C16orf95: variants seen among roughly 807,000 people sequenced by gnomAD.
The protein encoded by C16orf95 is uncharacterized protein C16orf95.
A neutral mutation model predicts 32.1 loss-of-function variants in C16orf95; 41 were observed. That is an observed-to-expected ratio of 1.28 (90% CI 1.00 to 1.66). The LOEUF (loss-of-function observed/expected upper bound fraction) is 1.66. C16orf95 is among the 40% of genes most tolerant of loss of function. The pLI is 0.00. For missense variants in C16orf95, 399 were observed against 325.9 expected (o/e 1.22, Z -1.73); for synonymous variants, 147 against 128.9 (o/e 1.14, Z -0.95).
rs528650383 is a variant in C16orf95 at position 87,305,629 on chromosome 16, C to T, written c.701+90G>A. 4.7e-5 allele frequency: 57 copies of T among 1,223,914 alleles called. No homozygotes were observed. In the African/African-American group the frequency reaches 8.3e-4, roughly 18 times the overall value. 75.8% of individuals were successfully genotyped at this position (1,223,914 alleles called of 1,614,324 possible). A position where few individuals can be genotyped will look rare whatever the true frequency, so the allele number is the denominator to read the frequency against. On this transcript the variant is annotated intron_variant, in intron 6 of 6. Coordinates refer to ENST00000567970, the MANE Select transcript of C16orf95 (RefSeq NM_001195124.3). This position sits in a 1 kb window ranked among gnomAD's most constrained non-coding sequence, Gnocchi z 4.2. ...GTCAAGTTAAGCCCCACCCCCCACT[C>T]TTCCACATCCCTGATGGCCACCAAG...
Position 87,314,972 on chromosome 16 carries a change from T to C in C16orf95, c.329A>G (p.Gln110Arg). The change falls in exon 3 of 7, where the codon CAG (glutamine) becomes CGG (arginine). Residue 110 changes from glutamine to arginine, a missense_variant and splice_region_variant. Gln to Arg is a conservative substitution (Grantham distance 43). Coordinates refer to ENST00000567970, the MANE Select transcript of C16orf95 (RefSeq NM_001195124.3). ...GACCTCCTGGTTCAAGTCACCTACC[T>C]GCTTTCGGGGTCTCAGGGACAGAGG... is the stretch of plus-strand genomic sequence containing the variant. ...WVPLSLRPRK[Q>R]SQKTVQFPIP... 6.5e-7 allele frequency: 1 copy of C among 1,535,886 alleles called. No individual in the cohort carries two copies. Among genetic ancestry groups the C allele is most frequent in the Non-Finnish European group, 8.7e-7 (1 of 1,146,782 alleles).
chr16:87,305,871 G>A lies in C16orf95; in HGVS notation c.549C>T (p.Cys183=). The change falls in exon 6 of 7, where the codon TGC becomes TGT. Residue 183 remains cysteine, a synonymous_variant. Coordinates refer to ENST00000567970, the MANE Select transcript of C16orf95 (RefSeq NM_001195124.3). This position sits in a 1 kb window ranked among gnomAD's most constrained non-coding sequence, Gnocchi z 4.2. ...PLLDACCWHN[C]WRICGDECLL... is the part of the protein sequence containing the mutation. ...GGCACTCATCACCGCAGATCCGCCA[G>A]CAGTTGTGCCAGCAGCATGCATCCA... 1 of 1,445,322 alleles carries A rather than the reference G, an allele frequency of 6.9e-7. No homozygotes were observed. Among genetic ancestry groups the A allele is most frequent in the Non-Finnish European group, 9.1e-7 (1 of 1,102,922 alleles). The allele number at this position is 1,445,322 out of a possible 1,614,324, so 89.5% of individuals were successfully genotyped here. A position where few individuals can be genotyped will look rare whatever the true frequency, so the allele number is the denominator to read the frequency against.
chr16:87,308,212 G>A (rs890242689), intron 5 of C16orf95, among the ~76,000 whole-genome samples: 2 of 152,170 alleles, frequency 1.3e-5, no homozygotes, highest in Non-Finnish European at 2.9e-5. Flanking sequence ...GCCGGGCACA[G>A]TGGTTCACGC....
chr16:87,311,892 G>A (rs116603098), intron 3 of C16orf95, among the ~76,000 whole-genome samples: 1,529 of 152,244 alleles, frequency 0.01, 28 homozygotes, highest in African/African-American at 0.035. Flanking sequence ...GACAGACATC[G>A]GGCAACAGGG....
intron 6 of C16orf95, 44 bp from the exon 7 acceptor site, chr16:87,303,119 T>A (rs1436547158): frequency 6.5e-7 from 1 of 1,534,718 alleles, no homozygotes; most frequent in Non-Finnish European, 8.7e-7. Flanking sequence ...GGCCCCAGGC[T>A]GAGACCAGCT....
At chr16:87,312,579 A>AAG (rs1189984598) in intron 3 of C16orf95, among the ~76,000 whole-genome samples, 3 of 150,202 alleles carry the variant, frequency 2.0e-5, no homozygotes, top group Admixed American at 6.6e-5. Context: ...AAAAAAAAAA[A>AAG]AAAAAAAGAA....
chr16:87,314,280 C>A (rs1294710306), intron 3 of C16orf95, among the ~76,000 whole-genome samples: 2 of 152,012 alleles, frequency 1.3e-5, no homozygotes, highest in African/African-American at 2.4e-5. Flanking sequence ...TCCTTCTGGG[C>A]GAATGAATAA....
At chr16:87,314,923 C>T in intron 3 of C16orf95, 48 bp downstream of exon 3, 3 of 1,502,902 alleles carry the variant, frequency 2.0e-6, no homozygotes, top group South Asian at 1.2e-5. Flanking sequence ...GGTCAACTGA[C>T]ATTCACCCTG....
At chr16:87,316,175 A>G (rs1463431794) in intron 1 of C16orf95, among the ~76,000 whole-genome samples, 1 of 152,234 alleles carries the variant, frequency 6.6e-6, no homozygotes, top group Non-Finnish European at 1.5e-5. Context: ...GTAGCTGCCA[A>G]TCACATCACC....
intron 5 of C16orf95, among the ~76,000 whole-genome samples, chr16:87,308,474 C>CTCAA (rs1313783456): frequency 7.3e-6 from 1 of 137,854 alleles, no homozygotes; most frequent in Non-Finnish European, 1.6e-5. Flanking sequence ...GAGACTGCAT[C>CTCAA]TCAATAAATA....
At chr16:87,310,634 G>A (rs1443607231) in intron 4 of C16orf95, among the ~76,000 whole-genome samples, 1 of 152,200 alleles carries the variant, frequency 6.6e-6, no homozygotes, top group Non-Finnish European at 1.5e-5. Context: ...CCGCTGCCCA[G>A]AACTAGCGCT....
chr16:87,306,072 C>T (rs1911014726), intron 5 of C16orf95, 167 bp from the exon 6 acceptor site: 2 of 466,592 alleles, frequency 4.3e-6, no homozygotes, highest in East Asian at 3.5e-5. Context: ...AGATAAAGGC[C>T]GTCTTGCGGG....
In C16orf95 at chr16:87,302,907, TGAGAAATCATTTGG is replaced by T. The variant is rs1367615711; in HGVS notation, c.*136_*149del. 6 of 790,022 alleles carry T rather than the reference TGAGAAATCATTTGG, an allele frequency of 7.6e-6. No homozygotes were observed. Among genetic ancestry groups the T allele is most frequent in the Non-Finnish European group, 1.0e-5 (5 of 477,090 alleles). The allele number at this position is 790,022 out of a possible 1,614,324, so 48.9% of individuals were successfully genotyped here. A position where few individuals can be genotyped will look rare whatever the true frequency, so the allele number is the denominator to read the frequency against. ...TTTGCTACAACCAAGAATCACCTGA[TGAGAAATCATTTGG>T]GTTGAATCCTGGGTGTGGATTCTGT... On this transcript the variant is annotated 3_prime_UTR_variant, in exon 7 of 7. Transcript: ENST00000567970.
intron 2 of C16orf95, 83 bp from the exon 3 acceptor site, chr16:87,315,179 G>C (rs375920439): frequency 1.4e-6 from 2 of 1,390,942 alleles, no homozygotes; most frequent in Non-Finnish European, 1.9e-6. Context: ...CAGTAGATCC[G>C]TGCTCAGGAA....
rs756665178 is a variant in C16orf95, at chr16:87,311,176, G to C, written c.451C>G (p.Pro151Ala). The change falls in exon 4 of 7, where the codon CCC (proline) becomes GCC (alanine). Residue 151 changes from proline to alanine, a missense_variant. Pro to Ala is a conservative substitution (Grantham distance 27). Transcript: ENST00000567970. Reference protein sequence around the residue: ...RDQAVMPYWVPQVLRSQQQIV... With the variant: ...RDQAVMPYWVAQVLRSQQQIV... ...TGCTGCTGAGACCTCAGGACCTGGGGCACCCAGTAGGGCATCACTGCCTGG... is the reference window on the plus strand; with the variant it reads ...TGCTGCTGAGACCTCAGGACCTGGGCCACCCAGTAGGGCATCACTGCCTGG... 1.3e-6 allele frequency: 2 copies of C among 1,533,842 alleles called. No individual in the cohort carries two copies. Among genetic ancestry groups the C allele is most frequent in the South Asian group, 2.4e-5 (2 of 83,878 alleles).
In C16orf95 at chr16:87,305,599, C is replaced by A. The variant is rs113455508; in HGVS notation, c.701+120G>T. On this transcript the variant is annotated intron_variant, in intron 6 of 6. Transcript: ENST00000567970. The surrounding 1 kb of genome is among the most constrained non-coding windows in gnomAD (Gnocchi z 4.2). ...CACACTCACAGTGCCGGGCCTTGGA[C>A]GCCTGTCAAGTTAAGCCCCACCCCC... The A allele has an allele frequency of 7.0e-6, 6 of 861,314 alleles. No individual in the cohort carries two copies. The African/African-American group carries it at 7.1e-5, about 10-fold the overall frequency. 53.4% of individuals were successfully genotyped at this position (861,314 alleles called of 1,614,324 possible).
Position 87,317,130 on chromosome 16 carries a change from A to G in C16orf95, c.113T>C (p.Leu38Pro), listed in dbSNP as rs552367836. 11 of 1,533,704 alleles carry G rather than the reference A, an allele frequency of 7.2e-6. No individual in the cohort carries two copies. In the South Asian group the frequency reaches 1.3e-4, roughly 18 times the overall value. The part of the protein sequence containing the change: ...AGGPGAGCVG[L>P]CRLALTPSAQ... ...GCTGGGTGTGAGTGCCAACCTGCAG[A>G]GCCCGACGCACCCCGCGCCCGGCCC... The change falls in exon 1 of 7, where the codon CTC (leucine) becomes CCC (proline). Residue 38 changes from leucine to proline, a missense_variant. Leu to Pro is a moderately conservative substitution (Grantham distance 98). Coordinates refer to ENST00000567970, the MANE Select transcript of C16orf95 (RefSeq NM_001195124.3).
intron 6 of C16orf95, 161 bp from the exon 7 acceptor site, chr16:87,303,236 G>C: frequency 4.3e-6 from 3 of 697,542 alleles, no homozygotes; most frequent in Non-Finnish European, 7.5e-6. Flanking sequence ...CAGGGATGAG[G>C]GGTGGGGTGC....
At chr16:87,316,017 G>A (rs1006372857) in intron 1 of C16orf95, among the ~76,000 whole-genome samples, 194 bp from the exon 2 acceptor site, 2 of 152,142 alleles carry the variant, frequency 1.3e-5, no homozygotes. Flanking sequence ...TAGCTCATGC[G>A]TGAATGTCTA....
Sources: allele counts gnomAD v4.1 joint callset (sites outside exome capture counted in the v4.1 genomes callset), GRCh38; gene constraint gnomAD v4.1.1; non-coding constraint Gnocchi (gnomAD v3.1); transcripts MANE v1.5; gene names NCBI Gene and HGNC (gene_info 2026-07-23, HGNC 2026-07-21).